The following AGBL4 variants were observed in gnomAD, a reference collection of about 807,000 sequenced individuals.
The protein encoded by AGBL4 is cytosolic carboxypeptidase 6.
Under a neutral mutation model 66.4 loss-of-function variants are expected in AGBL4, and 58 were observed. The ratio of observed to expected loss-of-function variants is 0.87; its 90% CI spans 0.71 to 1.09. The LOEUF (loss-of-function observed/expected upper bound fraction) is 1.09, where lower values mean the gene tolerates loss of function less well. AGBL4 is among the 50% of genes least tolerant of loss of function. The probability of loss-of-function intolerance (pLI) is 0.00; values close to 1 mark genes in which losing one functional copy is unlikely to be tolerated. For missense variants in AGBL4, 579 were observed against 631.0 expected (o/e 0.92, Z 0.88); for synonymous variants, 234 against 222.9 (o/e 1.05, Z -0.44).
intron 9 of AGBL4, among the ~76,000 whole-genome samples, chr1:48,594,394 G>A (rs1310919667): frequency 5.3e-5 from 8 of 152,072 alleles, no homozygotes; most frequent in Admixed American, 5.2e-4. Context: ...TAAGAACTCT[G>A]TTCATTTCCT....
intron 3 of AGBL4, among the ~76,000 whole-genome samples, chr1:49,297,453 G>A (rs571090873): frequency 1.3e-5 from 2 of 152,296 alleles, no homozygotes; most frequent in East Asian, 3.9e-4. Context: ...AATACGCCAG[G>A]GAAATTGCAA....
chr1:48,605,533 A>C (rs918222144), intron 9 of AGBL4, among the ~76,000 whole-genome samples: 1 of 151,826 alleles, frequency 6.6e-6, no homozygotes, highest in Non-Finnish European at 1.5e-5. Flanking sequence ...GTCTATTGTC[A>C]CTCAACCCTT....
At chr1:49,511,879 C>T (rs1197730537) in intron 3 of AGBL4, among the ~76,000 whole-genome samples, 1 of 151,944 alleles carries the variant, frequency 6.6e-6, no homozygotes, top group Non-Finnish European at 1.5e-5. Context: ...GAAGTGCCAA[C>T]ATTACTGTTA....
intron 11 of AGBL4, among the ~76,000 whole-genome samples, chr1:48,549,567 G>A (rs901426020): frequency 4.6e-5 from 7 of 152,070 alleles, no homozygotes; most frequent in African/African-American, 1.4e-4. Flanking sequence ...CAAAGAGGCC[G>A]CAGAGGCAGA....
chr1:49,964,777 T>C (rs1427816873), intron 1 of AGBL4, among the ~76,000 whole-genome samples: 4 of 152,134 alleles, frequency 2.6e-5, no homozygotes, highest in Non-Finnish European at 5.9e-5. Context: ...AAAAAAAATG[T>C]TTCTAGAAAA....
chr1:49,948,386 T>G (rs1441019550), intron 1 of AGBL4, among the ~76,000 whole-genome samples: 3 of 103,772 alleles, frequency 2.9e-5, no homozygotes, highest in South Asian at 2.8e-4. Context: ...TATAAATATA[T>G]ATAAATATAT....
chr1:49,241,124 T>C (rs1483833123), intron 4 of AGBL4, among the ~76,000 whole-genome samples: 2 of 152,090 alleles, frequency 1.3e-5, no homozygotes, highest in Non-Finnish European at 2.9e-5. Flanking sequence ...GCCTAAGGCA[T>C]ATTGCAAAAA....
intron 3 of AGBL4, among the ~76,000 whole-genome samples, chr1:49,277,411 T>C (rs1159608659): frequency 6.6e-6 from 1 of 152,172 alleles, no homozygotes; most frequent in Non-Finnish European, 1.5e-5. Context: ...TTCAGTTTCT[T>C]TTCTTGATTT....
At chr1:48,900,794 T>C (rs1348326212) in intron 5 of AGBL4, among the ~76,000 whole-genome samples, 2 of 152,148 alleles carry the variant, frequency 1.3e-5, no homozygotes, top group Non-Finnish European at 2.9e-5. Context: ...GAAGAAAACA[T>C]AGGAGAAGAC....
chr1:49,209,776 G>T (rs1040205962), intron 4 of AGBL4, among the ~76,000 whole-genome samples: 5 of 152,012 alleles, frequency 3.3e-5, no homozygotes, highest in African/African-American at 9.7e-5. Context: ...TTCAGAAAAG[G>T]ATCAACATAA....
At chr1:49,107,099 GA>G (rs1173846412) in intron 4 of AGBL4, among the ~76,000 whole-genome samples, 2 of 152,088 alleles carry the variant, frequency 1.3e-5, no homozygotes, top group Non-Finnish European at 2.9e-5. Flanking sequence ...GAAAGTGGGA[GA>G]AATGAATTAA....
chr1:48,765,553 C>A (rs1248893230), intron 6 of AGBL4, among the ~76,000 whole-genome samples: 2 of 152,182 alleles, frequency 1.3e-5, no homozygotes, highest in Non-Finnish European at 2.9e-5. Flanking sequence ...CCCAGCAATT[C>A]CGCTCCTGGG....
At chr1:49,838,975 A>C (rs1231732994) in intron 2 of AGBL4, among the ~76,000 whole-genome samples, 2 of 152,208 alleles carry the variant, frequency 1.3e-5, no homozygotes, top group Non-Finnish European at 1.5e-5. Flanking sequence ...GATTACTTGA[A>C]AAGAGCAGTT....
intron 1 of AGBL4, among the ~76,000 whole-genome samples, chr1:49,953,510 G>C (rs1367474583): frequency 6.6e-6 from 1 of 151,778 alleles, no homozygotes; most frequent in East Asian, 1.9e-4. Context: ...CGAGCAGAAG[G>C]CTGGCATATT....
chr1:48,811,282 C>G (rs986650804), intron 6 of AGBL4, among the ~76,000 whole-genome samples: 1 of 152,102 alleles, frequency 6.6e-6, no homozygotes, highest in African/African-American at 2.4e-5. Context: ...ACTGCTAAGA[C>G]CATTCAACAT....
intron 3 of AGBL4, among the ~76,000 whole-genome samples, chr1:49,504,298 C>T (rs1170059475): frequency 3.9e-5 from 6 of 152,106 alleles, no homozygotes; most frequent in African/African-American, 1.2e-4. Flanking sequence ...GTCAATTAAA[C>T]CTCTTTCCTT....
rs188661223 is a variant in AGBL4 at position 49,226,439 on chromosome 1, C to T, written c.377+19331G>A. Among the ~76,000 whole-genome samples, 14 of 152,294 alleles carry T rather than the reference C, an allele frequency of 9.2e-5. No homozygotes were observed. The East Asian group carries it at 2.7e-3, about 29-fold the overall frequency. ...GGAGCTGCTATGGAAAGCATCACAT[C>T]TCTGGAGGTGGTTTGAACCATCACC... On this transcript the variant is annotated intron_variant, in intron 4 of 13. Transcript: ENST00000371839.
intron 3 of AGBL4, among the ~76,000 whole-genome samples, chr1:49,612,302 GT>G (rs1254211595): frequency 6.6e-6 from 1 of 151,980 alleles, no homozygotes; most frequent in Non-Finnish European, 1.5e-5. Context: ...TATTCTTGTT[GT>G]TTTATCTCGT....
At chr1:49,338,985 GTA>G (rs1454624266) in intron 3 of AGBL4, among the ~76,000 whole-genome samples, 3 of 152,108 alleles carry the variant, frequency 2.0e-5, no homozygotes, top group African/African-American at 7.2e-5. Context: ...TTCTGGTAAA[GTA>G]TAACCATCAA....
Sources: gnomAD v4.1 joint callset for allele counts (sites outside exome capture counted in the v4.1 genomes callset) on GRCh38, gnomAD v4.1.1 for gene constraint, MANE v1.5 for transcripts, NCBI Gene and HGNC (gene_info 2026-07-23, HGNC 2026-07-21) for gene names.